FANCC: variants seen among roughly 807,000 people sequenced by gnomAD.
The protein encoded by FANCC is Fanconi anemia group C protein.
Under a neutral mutation model 71.3 loss-of-function variants are expected in FANCC, and 55 were observed. The ratio of observed to expected loss-of-function variants is 0.77; its 90% CI spans 0.62 to 0.97. The LOEUF (loss-of-function observed/expected upper bound fraction) is 0.97, where lower values mean the gene tolerates loss of function less well. Among genes scored for constraint, FANCC ranks in the 50% least tolerant of loss-of-function variants. FANCC has a pLI of 0.00. For synonymous variants in FANCC, 275 were observed against 244.9 expected, an observed-to-expected ratio of 1.12 and a Z score of -1.15; for missense variants, 678 against 670.9, an observed-to-expected ratio of 1.01 and a Z score of -0.12.
At chr9:95,155,271 A>AGGGG (rs1830397317) in intron 6 of FANCC, among the ~76,000 whole-genome samples, 1 of 24,696 alleles carries the variant, frequency 4.0e-5, no homozygotes. Context: ...GGAGGGGAGG[A>AGGGG]AAGGGGAGGG....
intron 4 of FANCC, among the ~76,000 whole-genome samples, chr9:95,221,038 T>C (rs1333836967): frequency 1.3e-5 from 2 of 151,878 alleles, no homozygotes; most frequent in Admixed American, 1.3e-4. Context: ...GAGACCACCC[T>C]GGCCAACATG....
At chr9:95,253,027 C>T (rs1439305721) in intron 1 of FANCC, among the ~76,000 whole-genome samples, 2 of 151,764 alleles carry the variant, frequency 1.3e-5, no homozygotes, top group African/African-American at 4.8e-5. Context: ...CACTGCACTC[C>T]ACACTCCAGC....
At chr9:95,235,935 G>A (rs1051638352) in intron 4 of FANCC, among the ~76,000 whole-genome samples, 1 of 149,676 alleles carries the variant, frequency 6.7e-6, no homozygotes, top group Non-Finnish European at 1.5e-5. Context: ...CTATTTCCTT[G>A]GGTGGTGATT....
chr9:95,278,851 G>C (rs1351555066), intron 1 of FANCC, among the ~76,000 whole-genome samples: 2 of 150,238 alleles, frequency 1.3e-5, no homozygotes, highest in Non-Finnish European at 3.0e-5. Flanking sequence ...AAAAAGAATA[G>C]TGAAAACATC....
At chr9:95,306,961 C>T (rs1333470994) in intron 1 of FANCC, among the ~76,000 whole-genome samples, 1 of 152,152 alleles carries the variant, frequency 6.6e-6, no homozygotes, top group East Asian at 1.9e-4. Context: ...GCACCCTCAA[C>T]CTCCCAGGCT....
At chr9:95,211,288 G>A (rs115925798) in intron 4 of FANCC, among the ~76,000 whole-genome samples, 165 of 152,300 alleles carry the variant, frequency 1.1e-3, no homozygotes, top group African/African-American at 3.9e-3. Flanking sequence ...CAACACTGGA[G>A]TCTGATAAGG....
At chr9:95,292,670 G>C (rs1288766931) in intron 1 of FANCC, 2 of 1,350,240 alleles carry the variant, frequency 1.5e-6, no homozygotes, top group East Asian at 4.6e-5. Flanking sequence ...ACCGCATGCA[G>C]TATAGCACAG....
At chr9:95,136,544 T>C (rs751004186) in intron 7 of FANCC, among the ~76,000 whole-genome samples, 7 of 151,460 alleles carry the variant, frequency 4.6e-5, no homozygotes, top group African/African-American at 1.5e-4. Flanking sequence ...TAGAGTGCAA[T>C]GGTGTGATCA....
chr9:95,207,895 GTGTT>G (rs1369940464), intron 4 of FANCC, among the ~76,000 whole-genome samples: 1 of 152,008 alleles, frequency 6.6e-6, no homozygotes, highest in Admixed American at 6.6e-5. Flanking sequence ...TGTCTTTTCG[GTGTT>G]TATTTTAAAA....
At chr9:95,177,300 T>C (rs1421812035) in intron 4 of FANCC, among the ~76,000 whole-genome samples, 1 of 152,158 alleles carries the variant, frequency 6.6e-6, no homozygotes, top group Non-Finnish European at 1.5e-5. Context: ...AACTATGGTA[T>C]AACACTGAAA....
At chr9:95,254,690 TC>T (rs1386787145) in intron 1 of FANCC, among the ~76,000 whole-genome samples, 1 of 152,154 alleles carries the variant, frequency 6.6e-6, no homozygotes, top group Non-Finnish European at 1.5e-5. Context: ...AGGAGTTTTT[TC>T]ATACACCAGT....
chr9:95,126,768 C>T, intron 8 of FANCC, 187 bp from the exon 9 acceptor site: 1 of 623,352 alleles, frequency 1.6e-6, no homozygotes, highest in East Asian at 2.9e-5. Flanking sequence ...CGGTGGTCTC[C>T]CTGGGCAGGG....
chr9:95,178,198 C>G (rs1177473366), intron 4 of FANCC, among the ~76,000 whole-genome samples: 1 of 152,140 alleles, frequency 6.6e-6, no homozygotes, highest in Admixed American at 6.5e-5. Context: ...CCCAAAGAGG[C>G]AACTCACTGT....
chr9:95,148,765 G>A (rs1829898506), intron 7 of FANCC, among the ~76,000 whole-genome samples: 1 of 152,172 alleles, frequency 6.6e-6, no homozygotes, highest in Non-Finnish European at 1.5e-5. Flanking sequence ...CAGACCAATG[G>A]GTTTCTAATG....
chr9:95,316,132 A>C (rs797000929), intron 1 of FANCC, among the ~76,000 whole-genome samples: 2 of 152,386 alleles, frequency 1.3e-5, no homozygotes, highest in African/African-American at 4.8e-5. Context: ...TATAATATAC[A>C]AAGTATAATT....
intron 1 of FANCC, among the ~76,000 whole-genome samples, chr9:95,255,728 A>G (rs1054656584): frequency 9.2e-5 from 14 of 152,102 alleles, no homozygotes; most frequent in Non-Finnish European, 1.6e-4. Flanking sequence ...AGGCTTCAGA[A>G]GGTGGGTAAT....
At chr9:95,124,721 C>A (rs1289645860) in intron 10 of FANCC, among the ~76,000 whole-genome samples, 2 of 152,204 alleles carry the variant, frequency 1.3e-5, no homozygotes, top group African/African-American at 4.8e-5. Context: ...GCCATATAGA[C>A]CCCAGGGTGC....
At chr9:95,106,925 G>T in intron 14 of FANCC, 141 bp downstream of exon 14, 1 of 824,724 alleles carries the variant, frequency 1.2e-6, no homozygotes. Context: ...CATCCCAGCT[G>T]TCAACCTCCT....
At chr9:95,184,069 G>A (rs1826554494) in intron 4 of FANCC, among the ~76,000 whole-genome samples, 1 of 152,036 alleles carries the variant, frequency 6.6e-6, no homozygotes, top group East Asian at 1.9e-4. Flanking sequence ...CTCTGACCAT[G>A]ACCATATAAA....
Sources: allele counts gnomAD v4.1 joint callset (sites outside exome capture counted in the v4.1 genomes callset), GRCh38; gene constraint gnomAD v4.1.1; transcripts MANE v1.5; gene names NCBI Gene and HGNC (gene_info 2026-07-23, HGNC 2026-07-21).